SCG3: variants seen among roughly 807,000 people sequenced by gnomAD.
SCG3 encodes the protein secretogranin-3.
SCG3 carries 38 observed loss-of-function variants against 56.2 expected under a neutral mutation model. The observed-to-expected ratio is 0.68, with a 90% CI of 0.52 to 0.89. The LOEUF (loss-of-function observed/expected upper bound fraction) is 0.89, where lower values mean the gene tolerates loss of function less well. SCG3 is among the 40% of genes least tolerant of loss of function. The pLI is 0.00. For synonymous variants in SCG3, 176 were observed against 184.2 expected (o/e 0.96, Z 0.36); for missense variants, 524 against 540.7 (o/e 0.97, Z 0.31).
chr15:51,696,422 T>C (rs1473336567), intron 8 of SCG3, among the ~76,000 whole-genome samples: 1 of 152,014 alleles, frequency 6.6e-6, no homozygotes, highest in Non-Finnish European at 1.5e-5. Flanking sequence ...TGGTGGTGCA[T>C]CCCTGTAGTT....
At chr15:51,686,589 A>G (rs1321540930) in intron 4 of SCG3, among the ~76,000 whole-genome samples, 3 of 152,218 alleles carry the variant, frequency 2.0e-5, no homozygotes, top group Non-Finnish European at 4.4e-5. Context: ...CAATCCGCAA[A>G]TGGAAAAATC....
At position 51,683,096 on chromosome 15, in the gene SCG3, A is replaced by G; in HGVS notation, c.153A>G (p.Glu51=). ...PLNEQIAEAE[E]DKIKKTYPPE... ...CTTCACAGATTGCTGAAGCAGAAGA[A>G]GACAAGATTAAAAAAACATATCCTC... Residue 51 remains glutamate (E), a synonymous_variant, in exon 3 of 12, where the codon GAA becomes GAG. Transcript: ENST00000220478. 6.2e-7 allele frequency: 1 copy of G among 1,610,266 alleles called. No individual in the cohort carries two copies. The highest frequency in any genetic ancestry group is 1.1e-5 in the South Asian group (1 of 90,720).
chr15:51,716,718 A>G (rs2055458534), intron 11 of SCG3, among the ~76,000 whole-genome samples: 1 of 152,198 alleles, frequency 6.6e-6, no homozygotes, highest in African/African-American at 2.4e-5. Context: ...CAAGCAAGCA[A>G]TCAATTCTGC....
In SCG3 at chr15:51,699,243, A is replaced by T. The variant is rs995428081; in HGVS notation, c.986-76A>T. On this transcript the variant is annotated intron_variant, in intron 8 of 11. Transcript: ENST00000220478. ...TTGCTATTGTGATATTTCTGGTGAGATTTAAACATTTTTCGTAAAAATTTG... is the reference window on the plus strand; with the variant it reads ...TTGCTATTGTGATATTTCTGGTGAGTTTTAAACATTTTTCGTAAAAATTTG... The T allele has an allele frequency of 1.2e-5, 12 of 1,034,004 alleles. No homozygotes were observed. The East Asian group carries it at 2.9e-4, about 25-fold the overall frequency. The allele number at this position is 1,034,004 out of a possible 1,614,324, so 64.1% of individuals were successfully genotyped here. A position where few individuals can be genotyped will look rare whatever the true frequency, so the allele number is the denominator to read the frequency against.
At chr15:51,682,788 A>G (rs2124591) in intron 2 of SCG3, among the ~76,000 whole-genome samples, 39,767 of 152,142 alleles carry the variant, frequency 0.26, 5,801 homozygotes, top group East Asian at 0.55. Flanking sequence ...TAGAGTAACT[A>G]TATAATAACC....
At chr15:51,686,681 A>ATGTTTGTTTGTTTGTT (rs59206609) in intron 4 of SCG3, among the ~76,000 whole-genome samples, 1,699 of 150,574 alleles carry the variant, frequency 0.011, 28 homozygotes, top group African/African-American at 0.021. Context: ...AACTGATTTT[A>ATGTTTGTTTGTTTGTT]TGTTTGTTTG....
intron 10 of SCG3, among the ~76,000 whole-genome samples, chr15:51,705,358 A>C (rs955709643): frequency 1.3e-5 from 2 of 152,168 alleles, no homozygotes; most frequent in African/African-American, 4.8e-5. Flanking sequence ...TAAAAAATGA[A>C]TATAAAAGAG....
At chr15:51,695,619 G>GT (rs2055297640) in intron 7 of SCG3, 2 of 323,190 alleles carry the variant, frequency 6.2e-6, no homozygotes, top group African/African-American at 4.3e-5. Context: ...AGTGCTGGGT[G>GT]TGGTGGTGTT....
At chr15:51,696,470 G>A (rs1286147473) in intron 8 of SCG3, among the ~76,000 whole-genome samples, 1 of 152,092 alleles carries the variant, frequency 6.6e-6, no homozygotes, top group East Asian at 1.9e-4. Context: ...GAATCACTTT[G>A]GGCCCAGGAG....
intron 10 of SCG3, among the ~76,000 whole-genome samples, chr15:51,709,698 TATA>T (rs567452093): frequency 1.2e-3 from 16 of 13,576 alleles, no homozygotes; most frequent in East Asian, 1.6e-3. Flanking sequence ...TATATATATA[TATA>T]TTTTTTTTTT....
chr15:51,682,320 A>G (rs1364357288), intron 1 of SCG3, among the ~76,000 whole-genome samples, 197 bp from the exon 2 acceptor site: 2 of 152,140 alleles, frequency 1.3e-5, no homozygotes, highest in African/African-American at 4.8e-5. Context: ...AAATACACCA[A>G]GATAATAAAC....
Position 51,681,767 on chromosome 15 carries a change from C to G in SCG3, c.12C>G (p.Leu4=), listed in dbSNP as rs11553135. 1.2e-6 allele frequency: 2 copies of G among 1,613,858 alleles called. No homozygotes were observed. Among genetic ancestry groups the G allele is most frequent in the East Asian group, 2.2e-5 (1 of 44,894 alleles). The change falls in exon 1 of 12, where the codon CTC becomes CTG. Residue 4 remains leucine, a synonymous_variant. Transcript: ENST00000220478. MGF[L]GTGTWILVLV... ...CCGAGCGTGGAAGAATGGGGTTCCTCGGGACCGGCACTTGGATTCTGGTGT... is the reference window on the plus strand; with the variant it reads ...CCGAGCGTGGAAGAATGGGGTTCCTGGGGACCGGCACTTGGATTCTGGTGT...
intron 11 of SCG3, among the ~76,000 whole-genome samples, chr15:51,718,498 C>CTCG (rs2055473932): frequency 6.6e-6 from 1 of 152,180 alleles, no homozygotes. Flanking sequence ...TACATTCAGG[C>CTCG]TCGCTAAGGG....
At chr15:51,714,826 A>G (rs2055443263) in intron 11 of SCG3, among the ~76,000 whole-genome samples, 2 of 152,212 alleles carry the variant, frequency 1.3e-5, no homozygotes, top group South Asian at 2.1e-4. Flanking sequence ...TGCATACTTT[A>G]TTTGGTTCAA....
chr15:51,709,718 T>A (rs1193812808), intron 10 of SCG3, among the ~76,000 whole-genome samples: 106 of 51,406 alleles, frequency 2.1e-3, no homozygotes, highest in Non-Finnish European at 2.9e-3. Context: ...TTTTTTTTTT[T>A]TTTTTTTTTT....
chr15:51,681,802 C>A lies in SCG3; in HGVS notation c.47C>A (p.Pro16Gln), dbSNP rs2055196367. ...TGTWILVLVL[P>Q]IQAFPKPGGS... ...ACTTGGATTCTGGTGTTAGTGCTCC[C>A]GATTCAAGCTTTCCCCAAACCTGGA... Residue 16 changes from proline (P) to glutamine (Q), a missense_variant, in exon 1 of 12, where the codon CCG becomes CAG. Physicochemically the swap from Pro to Gln is moderately conservative, Grantham distance 76. Coordinates refer to ENST00000220478, the MANE Select transcript of SCG3 (RefSeq NM_013243.4). 6.2e-7 allele frequency: 1 copy of A among 1,614,122 alleles called. No homozygotes were observed. Among genetic ancestry groups the A allele is most frequent in the East Asian group, 2.2e-5 (1 of 44,874 alleles).
At chr15:51,685,673 G>T (rs968303800) in intron 4 of SCG3, among the ~76,000 whole-genome samples, 1 of 152,210 alleles carries the variant, frequency 6.6e-6, no homozygotes, top group Admixed American at 6.5e-5. Flanking sequence ...CTTCATCCCA[G>T]AGGGGAAGGT....
chr15:51,689,270 CAAA>C lies in SCG3; in HGVS notation c.595_597del (p.Lys199del). ...GGAAGATGAAGTAGCAGAGGTTTTA[CAAA>C]AATTAATCTCAAAGGAAGCCAACAA... On this transcript the variant is annotated inframe_deletion, in exon 6 of 12. Transcript: ENST00000220478. The C allele has an allele frequency of 6.2e-7, 1 of 1,613,900 alleles. No homozygotes were observed. The highest frequency in any genetic ancestry group is 8.5e-7 in the Non-Finnish European group (1 of 1,179,928).
At chr15:51,702,583 C>T (rs1252983918) in intron 10 of SCG3, among the ~76,000 whole-genome samples, 1 of 152,002 alleles carries the variant, frequency 6.6e-6, no homozygotes, top group Non-Finnish European at 1.5e-5. Flanking sequence ...AGAAACTTTA[C>T]CATACCCCCA....
Sources: allele counts gnomAD v4.1 joint callset (sites outside exome capture counted in the v4.1 genomes callset), GRCh38; gene constraint gnomAD v4.1.1; transcripts MANE v1.5; gene names NCBI Gene and HGNC (gene_info 2026-07-23, HGNC 2026-07-21).